The following BCL2L1 variants were observed in gnomAD, a reference collection of about 807,000 sequenced individuals.
BCL2L1 encodes BCL2 like 1, also known as bcl-2-like protein 1.
Under a neutral mutation model 18.7 loss-of-function variants are expected in BCL2L1, and 1 was observed. That is an observed-to-expected ratio of 0.05 (90% CI 0.02 to 0.25). The LOEUF is 0.25. Ranked by LOEUF, BCL2L1 falls within the 10% of genes least tolerant of loss-of-function variation. The pLI is 1.00. For missense variants in BCL2L1, 207 were observed against 304.9 expected (o/e 0.68, Z 2.39); for synonymous variants, 103 against 122.7 (o/e 0.84, Z 1.06).
chr20:31,714,468 C>A (rs538492741), intron 2 of BCL2L1, among the ~76,000 whole-genome samples: 1 of 152,278 alleles, frequency 6.6e-6, no homozygotes, highest in Non-Finnish European at 1.5e-5. Flanking sequence ...CTCAAGATTC[C>A]GTGAATGGGT....
chr20:31,667,900 C>T (rs2060611241), intron 2 of BCL2L1, among the ~76,000 whole-genome samples: 1 of 152,124 alleles, frequency 6.6e-6, no homozygotes, highest in Admixed American at 6.5e-5. Flanking sequence ...GAGCAGTGAC[C>T]CATGAATCTC....
chr20:31,715,108 T>C (rs2061509651), intron 2 of BCL2L1, among the ~76,000 whole-genome samples: 1 of 151,878 alleles, frequency 6.6e-6, no homozygotes, highest in Non-Finnish European at 1.5e-5. Context: ...CCCCGTCTAC[T>C]AAAAATACCA....
Position 31,666,038 on chromosome 20 carries a change from T to G in BCL2L1, c.613A>C (p.Lys205Gln), listed in dbSNP as rs1160520461. The G allele has an allele frequency of 6.2e-7, 1 of 1,614,168 alleles. No homozygotes were observed. ...YGNNAAAESR[K>Q]GQERFNRWFL... ...CAGCGGTTGAAGCGTTCCTGGCCCTTTCGGCTCTCGGCTGCTGCATTGTTC... is the reference window on the plus strand; with the variant it reads ...CAGCGGTTGAAGCGTTCCTGGCCCTGTCGGCTCTCGGCTGCTGCATTGTTC... The change falls in exon 3 of 3, where the codon AAG (lysine) becomes CAG (glutamine). Residue 205 changes from lysine to glutamine, a missense_variant. Physicochemically the swap from Lys to Gln is moderately conservative, Grantham distance 53 (BLOSUM62 1). Transcript: ENST00000307677.
chr20:31,698,290 G>T (rs749323023), intron 2 of BCL2L1, among the ~76,000 whole-genome samples: 1 of 152,124 alleles, frequency 6.6e-6, no homozygotes, highest in Non-Finnish European at 1.5e-5. Flanking sequence ...GCCCAGGTTG[G>T]AGTTCTGTGA....
At position 31,664,814 on chromosome 20, in the gene BCL2L1, G is replaced by T. The variant is rs963245815; in HGVS notation, c.*1135C>A. 6 of 223,118 alleles carry T rather than the reference G, an allele frequency of 2.7e-5. No homozygotes were observed. The highest frequency in any genetic ancestry group is 5.4e-5 in the Non-Finnish European group (6 of 111,336). 13.8% of individuals were successfully genotyped at this position (223,118 alleles called of 1,614,324 possible). A position where few individuals can be genotyped will look rare whatever the true frequency, so the allele number is the denominator to read the frequency against. The stretch of plus-strand genomic sequence containing the variant: ...GACCCCTGGGGATGAGACAGGCCAA[G>T]GGTGGAGCAGAAGAGAGAGGGAGGC... On this transcript the variant is annotated 3_prime_UTR_variant, in exon 3 of 3. Transcript: ENST00000307677.
chr20:31,664,474 A>G lies in BCL2L1; in HGVS notation c.*1475T>C, dbSNP rs138866312. ...GGCTCTTTGTTCACTGAGTAAACAC[A>G]GTTTATTACTGAACTGCACTTTCAC... On this transcript the variant is annotated 3_prime_UTR_variant, in exon 3 of 3. Coordinates refer to ENST00000307677, the MANE Select transcript of BCL2L1 (RefSeq NM_138578.3). 1.8e-3 allele frequency: 329 copies of G among 178,192 alleles called. 2 individuals are homozygous for G. The highest frequency in any genetic ancestry group is 7.4e-3 in the African/African-American group (314 of 42,206). 11.0% of individuals were successfully genotyped at this position (178,192 alleles called of 1,614,324 possible).
chr20:31,673,068 C>CTTTTT (rs906594378), intron 2 of BCL2L1, among the ~76,000 whole-genome samples: 5 of 118,238 alleles, frequency 4.2e-5, no homozygotes, highest in East Asian at 2.4e-4. Context: ...GGTGTCCTTG[C>CTTTTT]TTTTTTTTTT....
chr20:31,699,656 A>C (rs983515781), intron 2 of BCL2L1, among the ~76,000 whole-genome samples: 1 of 152,246 alleles, frequency 6.6e-6, no homozygotes, highest in African/African-American at 2.4e-5. Flanking sequence ...CAGGGGAAAG[A>C]AGCCTGGCTT....
upstream of BCL2L1, chr20:31,723,136 T>C (rs1029673742): frequency 1.3e-5 from 3 of 233,806 alleles, no homozygotes; most frequent in Admixed American, 6.5e-5. Context: ...GCCTCAGATC[T>C]GCAATCTGAC....
chr20:31,703,052 T>C (rs2061308133), intron 2 of BCL2L1, among the ~76,000 whole-genome samples: 2 of 152,008 alleles, frequency 1.3e-5, no homozygotes, highest in Admixed American at 1.3e-4. Flanking sequence ...TTTATTTTAT[T>C]AAATTTTTTG....
chr20:31,711,265 G>C (rs2061449611), intron 2 of BCL2L1, among the ~76,000 whole-genome samples: 1 of 152,160 alleles, frequency 6.6e-6, no homozygotes. Flanking sequence ...ATTCTCTCAG[G>C]CTTATGGATG....
chr20:31,667,416 G>A (rs2060603876), intron 2 of BCL2L1, among the ~76,000 whole-genome samples: 2 of 150,568 alleles, frequency 1.3e-5, no homozygotes, highest in African/African-American at 2.5e-5. Flanking sequence ...AGCAGAAATC[G>A]CACCACAGCA....
At chr20:31,697,820 TGGGA>T (rs1333085370) in intron 2 of BCL2L1, among the ~76,000 whole-genome samples, 1 of 152,098 alleles carries the variant, frequency 6.6e-6, no homozygotes, top group African/African-American at 2.4e-5. Flanking sequence ...ATAAAACTGT[TGGGA>T]GGATTAATGA....
At chr20:31,675,700 C>T (rs1600771419) in intron 2 of BCL2L1, among the ~76,000 whole-genome samples, 3 of 152,100 alleles carry the variant, frequency 2.0e-5, no homozygotes, top group Admixed American at 2.0e-4. Context: ...GGGGTCAACA[C>T]CTCAGTCCAG....
chr20:31,710,762 C>T (rs2122774221), intron 2 of BCL2L1, among the ~76,000 whole-genome samples: 1 of 152,354 alleles, frequency 6.6e-6, no homozygotes, highest in Admixed American at 6.5e-5. Flanking sequence ...TCAAGCCATT[C>T]ACCAAGTGTT....
chr20:31,711,914 CTCT>C (rs1188431800), intron 2 of BCL2L1, among the ~76,000 whole-genome samples: 6 of 152,212 alleles, frequency 3.9e-5, no homozygotes, highest in Non-Finnish European at 7.3e-5. Context: ...TGAATCCCAG[CTCT>C]TCTTGGTACT....
chr20:31,671,985 G>A (rs1361705180), intron 2 of BCL2L1, among the ~76,000 whole-genome samples: 1 of 146,782 alleles, frequency 6.8e-6, no homozygotes, highest in African/African-American at 2.5e-5. Flanking sequence ...TAGTATAGCT[G>A]AGGTATTCAA....
intron 2 of BCL2L1, among the ~76,000 whole-genome samples, chr20:31,718,546 T>C (rs1017176960): frequency 4.6e-5 from 7 of 151,642 alleles, no homozygotes; most frequent in African/African-American, 1.7e-4. Flanking sequence ...TCCCAGCTAC[T>C]TGGGAGGCTG....
At chr20:31,705,050 A>T (rs1364506183) in intron 2 of BCL2L1, among the ~76,000 whole-genome samples, 3 of 152,176 alleles carry the variant, frequency 2.0e-5, no homozygotes, top group African/African-American at 4.8e-5. Context: ...TAACAGCAAC[A>T]TTTACTAGGG....
Sources: gnomAD v4.1 joint callset for allele counts (sites outside exome capture counted in the v4.1 genomes callset) on GRCh38, gnomAD v4.1.1 for gene constraint, MANE v1.5 for transcripts, NCBI Gene and HGNC (gene_info 2026-07-23, HGNC 2026-07-21) for gene names.